TBC1D5: variants seen among roughly 807,000 people sequenced by gnomAD.
TBC1D5 encodes the protein TBC1 domain family member 5, also known as TBC1 domain family, member 5.
In TBC1D5, 75 loss-of-function variants were observed where a neutral mutation model predicts 100.3. The ratio of observed to expected loss-of-function variants is 0.75; its 90% confidence interval spans 0.62 to 0.91. The LOEUF (loss-of-function observed/expected upper bound fraction) is 0.91, where lower values mean the gene tolerates loss of function less well. TBC1D5 is among the 40% of genes least tolerant of loss of function. TBC1D5 has a pLI of 0.00. For missense variants in TBC1D5, 910 were observed against 942.4 expected, an observed-to-expected ratio of 0.97 and a Z score of 0.45; for synonymous variants, 323 against 325.6, an observed-to-expected ratio of 0.99 and a Z score of 0.09.
At chr3:17,187,667 G>A (rs1487903835) in intron 18 of TBC1D5, among the ~76,000 whole-genome samples, 3 of 152,214 alleles carry the variant, frequency 2.0e-5, no homozygotes, top group African/African-American at 7.2e-5. Flanking sequence ...ATGGCATGAG[G>A]AAACATAAGT....
intron 1 of TBC1D5, among the ~76,000 whole-genome samples, chr3:17,643,408 C>T (rs1263376388): frequency 6.6e-6 from 1 of 152,152 alleles, no homozygotes; most frequent in Non-Finnish European, 1.5e-5. Flanking sequence ...AATTATTAAA[C>T]ATCTCATGAA....
At chr3:17,377,335 T>C (rs1439181112) in intron 9 of TBC1D5, among the ~76,000 whole-genome samples, 2 of 152,074 alleles carry the variant, frequency 1.3e-5, no homozygotes, top group Non-Finnish European at 2.9e-5. Context: ...TACTAAGCTG[T>C]CCTTAAAAGG....
chr3:17,674,279 C>G (rs949167294), intron 1 of TBC1D5, among the ~76,000 whole-genome samples: 1 of 151,912 alleles, frequency 6.6e-6, no homozygotes, highest in South Asian at 2.1e-4. Flanking sequence ...TCATCTATTG[C>G]GAAATAGAAA....
In TBC1D5 at chr3:17,388,497, C is replaced by T. The variant is rs556323032; in HGVS notation, c.510-4482G>A. ...GCATTATTTTGAAGCTAATCCCAGA[C>T]GTCATTATATCTGTAAATACTGCAA... On this transcript the variant is annotated intron_variant, in intron 8 of 21. Coordinates refer to ENST00000253692, the Ensembl canonical transcript of TBC1D5. Among the ~76,000 whole-genome samples the T allele has an allele frequency of 1.4e-4, 21 of 151,956 alleles. 1 individual carries two copies. The highest frequency in any genetic ancestry group is 2.0e-4 in the Admixed American group (3 of 15,250).
chr3:17,272,077 T>C (rs1162772391), intron 15 of TBC1D5, among the ~76,000 whole-genome samples: 1 of 137,496 alleles, frequency 7.3e-6, no homozygotes, highest in Non-Finnish European at 1.6e-5. Context: ...ATTTGTGTTG[T>C]TGGGAGAGAG....
chr3:17,414,995 C>T (rs2094028646), intron 4 of TBC1D5, among the ~76,000 whole-genome samples: 1 of 151,934 alleles, frequency 6.6e-6, no homozygotes, highest in African/African-American at 2.4e-5. Flanking sequence ...TAGTTCATTG[C>T]CTAGAGGTTT....
chr3:17,289,548 C>T (rs1322348599), intron 15 of TBC1D5, among the ~76,000 whole-genome samples: 2 of 151,658 alleles, frequency 1.3e-5, no homozygotes, highest in African/African-American at 4.8e-5. Context: ...GCAGGAGAAT[C>T]GCTTGAACCT....
intron 1 of TBC1D5, chr3:17,706,184 G>A (rs555192029): frequency 4.4e-5 from 68 of 1,560,544 alleles, no homozygotes; most frequent in Middle Eastern, 4.6e-4. Flanking sequence ...GCCGCTCGAA[G>A]GGCCTCTTCT....
chr3:17,569,820 A>G (rs2096615534), intron 2 of TBC1D5, among the ~76,000 whole-genome samples: 1 of 151,602 alleles, frequency 6.6e-6, no homozygotes, highest in South Asian at 2.1e-4. Flanking sequence ...ATTTAGCAAT[A>G]AATATCATTT....
intron 12 of TBC1D5, among the ~76,000 whole-genome samples, chr3:17,374,078 T>C (rs2092597060): frequency 6.6e-6 from 1 of 152,074 alleles, no homozygotes; most frequent in South Asian, 2.1e-4. Context: ...ATATTGATGC[T>C]AAATGTATGA....
intron 3 of TBC1D5, among the ~76,000 whole-genome samples, chr3:17,474,407 C>G (rs751829592): frequency 5.3e-5 from 8 of 151,982 alleles, no homozygotes; most frequent in African/African-American, 7.2e-5. Flanking sequence ...ACCCTGTTTT[C>G]TATTTAATTC....
At position 17,275,517 on chromosome 3, in the gene TBC1D5, G is replaced by T. The variant is rs1396815055; in HGVS notation, c.1245+16378C>A. 2.0e-5 allele frequency among the ~76,000 whole-genome samples: 3 copies of T among 152,118 alleles called. No individual in the cohort carries two copies. The East Asian group carries it at 5.8e-4, about 29-fold the overall frequency. ...ATTGTGCCACTGCTCTCCAGCATGG[G>T]CCACAGAGTAAGACTCTGTCTCTTT... is the stretch of plus-strand genomic sequence containing the variant. On this transcript the variant is annotated intron_variant, in intron 15 of 21. Transcript: ENST00000253692.
intron 1 of TBC1D5, among the ~76,000 whole-genome samples, chr3:17,660,713 A>T (rs1250747661): frequency 6.6e-6 from 1 of 152,230 alleles, no homozygotes; most frequent in East Asian, 1.9e-4. Context: ...TTGCTCATAT[A>T]GTGCTTGGAG....
At chr3:17,411,916 G>A (rs2093937091) in intron 4 of TBC1D5, among the ~76,000 whole-genome samples, 1 of 152,022 alleles carries the variant, frequency 6.6e-6, no homozygotes, top group Non-Finnish European at 1.5e-5. Context: ...ACTGATGAAC[G>A]GCTCTAACAA....
At chr3:17,369,854 A>C (rs73154801) in intron 13 of TBC1D5, among the ~76,000 whole-genome samples, 13,651 of 152,154 alleles carry the variant, frequency 0.09, 1,403 homozygotes, top group African/African-American at 0.25. Context: ...AATAGAGGCC[A>C]GTTGAGATGA....
At chr3:17,336,225 T>C (rs927972709) in intron 13 of TBC1D5, among the ~76,000 whole-genome samples, 2 of 152,060 alleles carry the variant, frequency 1.3e-5, no homozygotes, top group African/African-American at 2.4e-5. Context: ...CTAAACACTA[T>C]GCCATATACC....
At chr3:17,400,215 C>T (rs1254671114) in intron 8 of TBC1D5, among the ~76,000 whole-genome samples, 4 of 152,096 alleles carry the variant, frequency 2.6e-5, no homozygotes, top group African/African-American at 7.2e-5. Flanking sequence ...CATAAATATA[C>T]ATTTTTTCAA....
At chr3:17,406,973 C>T (rs2093787439) in intron 4 of TBC1D5, among the ~76,000 whole-genome samples, 1 of 152,048 alleles carries the variant, frequency 6.6e-6, no homozygotes, top group African/African-American at 2.4e-5. Context: ...TCAGGCTGGA[C>T]AGTAAAGTAT....
At chr3:17,179,202 T>C (rs1401486476) in intron 19 of TBC1D5, among the ~76,000 whole-genome samples, 2 of 152,238 alleles carry the variant, frequency 1.3e-5, no homozygotes, top group Admixed American at 1.3e-4. Flanking sequence ...AAAAGCGTAT[T>C]TAAAATTCTT....
Sources: gnomAD v4.1 joint callset for allele counts (sites outside exome capture counted in the v4.1 genomes callset) on GRCh38, gnomAD v4.1.1 for gene constraint, MANE v1.5 for transcripts, NCBI Gene and HGNC (gene_info 2026-07-23, HGNC 2026-07-21) for gene names.